The following THSD7B variants were observed in gnomAD, a reference collection of about 807,000 sequenced individuals.
The protein encoded by THSD7B is thrombospondin type-1 domain-containing protein 7B.
A neutral mutation model predicts 213.6 loss-of-function variants in THSD7B; 138 were observed. That is an observed-to-expected ratio of 0.65 (90% CI 0.56 to 0.74). THSD7B has a LOEUF of 0.74. Among genes scored for constraint, THSD7B ranks in the 30% least tolerant of loss-of-function variants. THSD7B has a pLI of 0.00. For synonymous variants in THSD7B, 742 were observed against 687.0 expected, an observed-to-expected ratio of 1.08 and a Z score of -1.25; for missense variants, 1,931 against 1,991.5, an observed-to-expected ratio of 0.97 and a Z score of 0.58.
intron 25 of THSD7B, among the ~76,000 whole-genome samples, 176 bp downstream of exon 25, chr2:137,659,922 A>G (rs140993455): frequency 6.6e-6 from 1 of 152,328 alleles, no homozygotes; most frequent in East Asian, 1.9e-4. Flanking sequence ...AGGACCATGT[A>G]TTAACAGTGT....
rs146094897 is a variant in THSD7B at position 137,654,877 on chromosome 2, A to G, written c.3946-624A>G. ...CCTTTATCAGGCAGATCGTTGGGCCAGTTTACCATTAGGAGCCATCCAATT... is the reference window on the plus strand; with the variant it reads ...CCTTTATCAGGCAGATCGTTGGGCCGGTTTACCATTAGGAGCCATCCAATT... On this transcript the variant is annotated intron_variant, in intron 21 of 27. Transcript: ENST00000409968. 5.5e-4 allele frequency among the ~76,000 whole-genome samples: 84 copies of G among 152,330 alleles called. No individual in the cohort carries two copies. In the Middle Eastern group the frequency reaches 0.017, roughly 31 times the overall value.
At chr2:137,389,552 G>C (rs1398125459) in intron 12 of THSD7B, among the ~76,000 whole-genome samples, 1 of 150,852 alleles carries the variant, frequency 6.6e-6, no homozygotes, top group Non-Finnish European at 1.5e-5. Context: ...TTTCTTTGCT[G>C]TGCAGAAACT....
intron 2 of THSD7B, among the ~76,000 whole-genome samples, chr2:136,988,254 G>C (rs1573751605): frequency 6.6e-6 from 1 of 152,190 alleles, no homozygotes; most frequent in Non-Finnish European, 1.5e-5. Flanking sequence ...GAAGTTCTTG[G>C]GCTGGATTTT....
intron 2 of THSD7B, among the ~76,000 whole-genome samples, chr2:136,894,278 CTG>C (rs1683912786): frequency 3.9e-5 from 6 of 152,146 alleles, no homozygotes; most frequent in South Asian, 2.1e-4. Context: ...TTTTTAGAAA[CTG>C]TTTTCAGCTT....
intron 15 of THSD7B, among the ~76,000 whole-genome samples, chr2:137,514,842 C>G (rs970835841): frequency 6.6e-6 from 1 of 152,034 alleles, no homozygotes. Flanking sequence ...AACATAATAC[C>G]TTTGACTATA....
At chr2:137,108,368 G>A (rs1643139088) in intron 4 of THSD7B, among the ~76,000 whole-genome samples, 1 of 152,180 alleles carries the variant, frequency 6.6e-6, no homozygotes, top group Non-Finnish European at 1.5e-5. Context: ...TCTTAAATGT[G>A]CCTACTTTTC....
intron 7 of THSD7B, among the ~76,000 whole-genome samples, chr2:137,217,207 C>T (rs1681267135): frequency 6.6e-6 from 1 of 152,172 alleles, no homozygotes; most frequent in Non-Finnish European, 1.5e-5. Context: ...CCTTGCAAAG[C>T]TTTGCATAAA....
At chr2:137,433,652 C>A (rs550343290) in intron 14 of THSD7B, among the ~76,000 whole-genome samples, 1 of 152,152 alleles carries the variant, frequency 6.6e-6, no homozygotes, top group South Asian at 2.1e-4. Context: ...CCGTGCCCCA[C>A]CTATTTTTCT....
chr2:137,632,769 T>G (rs1412913592), intron 20 of THSD7B, among the ~76,000 whole-genome samples: 1 of 152,224 alleles, frequency 6.6e-6, no homozygotes, highest in African/African-American at 2.4e-5. Context: ...CTAAGCCCCT[T>G]GACATCACGG....
chr2:137,504,886 G>A (rs1679799903), intron 15 of THSD7B, among the ~76,000 whole-genome samples: 1 of 152,124 alleles, frequency 6.6e-6, no homozygotes, highest in African/African-American at 2.4e-5. Flanking sequence ...TAGAGAAAAC[G>A]ACTGTGAGAG....
intron 2 of THSD7B, among the ~76,000 whole-genome samples, chr2:136,889,014 AAG>A (rs1214570496): frequency 6.6e-6 from 1 of 151,636 alleles, no homozygotes; most frequent in East Asian, 1.9e-4. Context: ...GAAGAGATGA[AAG>A]AGAAAATATG....
intron 15 of THSD7B, among the ~76,000 whole-genome samples, chr2:137,557,737 A>G (rs10183080): frequency 0.19 from 28,874 of 152,130 alleles, 2,902 homozygotes; most frequent in South Asian, 0.28. Flanking sequence ...AAGGACATAG[A>G]GACACAAAAA....
chr2:137,312,382 T>G (rs1251784103), intron 12 of THSD7B, among the ~76,000 whole-genome samples: 2 of 150,254 alleles, frequency 1.3e-5, no homozygotes, highest in Admixed American at 6.6e-5. Context: ...TTGTGTCTAT[T>G]TGATTCTTCT....
intron 7 of THSD7B, among the ~76,000 whole-genome samples, chr2:137,190,349 G>A (rs1179210931): frequency 6.6e-6 from 1 of 152,096 alleles, no homozygotes; most frequent in East Asian, 1.9e-4. Flanking sequence ...TCATTCTTTT[G>A]TGTGCAAGTG....
In THSD7B at chr2:136,935,155, T is replaced by C. The variant is rs117589977; in HGVS notation, c.139+52838T>C. Among the ~76,000 whole-genome samples, 192 of 152,310 alleles carry C rather than the reference T, an allele frequency of 1.3e-3. 4 individuals are homozygous for C. In the East Asian group the frequency reaches 0.035, roughly 27 times the overall value. On this transcript the variant is annotated intron_variant, in intron 2 of 27. Coordinates refer to ENST00000409968, the MANE Select transcript of THSD7B (RefSeq NM_001316349.2). ...ACACTTCTAAGAAATGATTCAGATA[T>C]AAAACTACCTTTTTTTCTGTGTTCA...
intron 15 of THSD7B, among the ~76,000 whole-genome samples, chr2:137,488,693 G>A (rs1009905201): frequency 2.6e-5 from 4 of 152,130 alleles, no homozygotes; most frequent in Non-Finnish European, 5.9e-5. Flanking sequence ...AGAAGCTAAG[G>A]CATCTTCTAT....
chr2:137,520,896 T>G (rs917924841), intron 15 of THSD7B, among the ~76,000 whole-genome samples: 1 of 152,230 alleles, frequency 6.6e-6, no homozygotes, highest in African/African-American at 2.4e-5. Flanking sequence ...TAAAAATCAT[T>G]AGCAGTTGAA....
At chr2:137,092,006 T>A (rs1281119334) in intron 3 of THSD7B, among the ~76,000 whole-genome samples, 3 of 152,224 alleles carry the variant, frequency 2.0e-5, no homozygotes, top group Non-Finnish European at 4.4e-5. Flanking sequence ...GGAAAGTTTC[T>A]GTCTAGTGGA....
At chr2:136,973,594 G>T (rs1336704166) in intron 2 of THSD7B, among the ~76,000 whole-genome samples, 1 of 152,078 alleles carries the variant, frequency 6.6e-6, no homozygotes, top group African/African-American at 2.4e-5. Context: ...CAATAGAAAA[G>T]TGCATTCAAT....
Sources: gnomAD v4.1 joint callset for allele counts (sites outside exome capture counted in the v4.1 genomes callset) on GRCh38, gnomAD v4.1.1 for gene constraint, MANE v1.5 for transcripts, NCBI Gene and HGNC (gene_info 2026-07-23, HGNC 2026-07-21) for gene names.